Variants in FHAD1 observed in about 807,000 individuals in gnomAD.
The protein encoded by FHAD1 is forkhead-associated domain-containing protein 1.
Under a neutral mutation model 191.3 loss-of-function variants are expected in FHAD1, and 146 were observed. The observed-to-expected ratio is 0.76, with a 90% CI of 0.67 to 0.88. The LOEUF (loss-of-function observed/expected upper bound fraction) is 0.88. FHAD1 is among the 40% of genes least tolerant of loss of function. FHAD1 has a pLI of 0.00. For synonymous variants in FHAD1, 616 were observed against 672.3 expected, an observed-to-expected ratio of 0.92 and a Z score of 1.29; for missense variants, 1,635 against 1,785.8, an observed-to-expected ratio of 0.92 and a Z score of 1.52.
In FHAD1 at chr1:15,247,842, C is replaced by G. The variant is rs1646280338; in HGVS notation, c.-15+447C>G. 2.0e-5 allele frequency among the ~76,000 whole-genome samples: 3 copies of G among 152,218 alleles called. No individual in the cohort carries two copies. In the South Asian group the frequency reaches 6.2e-4, roughly 32 times the overall value. On this transcript the variant is annotated intron_variant, in intron 1 of 33. Transcript: ENST00000688493. ...ACCCCTCAACAGAAATTTTGCTTCT[C>G]TATCTCACTTGTGACCTATAAGCAG...
chr1:15,347,236 GC>G (rs1200047016), intron 18 of FHAD1, among the ~76,000 whole-genome samples: 1 of 152,330 alleles, frequency 6.6e-6, no homozygotes, highest in East Asian at 1.9e-4. Flanking sequence ...TGAGTCAAAT[GC>G]CCCAAGATGT....
At chr1:15,322,632 AG>A (rs1307444864) in intron 10 of FHAD1, among the ~76,000 whole-genome samples, 1 of 152,260 alleles carries the variant, frequency 6.6e-6, no homozygotes, top group Non-Finnish European at 1.5e-5. Context: ...AGTGCTCAAT[AG>A]CCAGATGTGG....
intron 3 of FHAD1, among the ~76,000 whole-genome samples, chr1:15,281,422 G>A (rs1660546104): frequency 6.6e-6 from 1 of 151,990 alleles, no homozygotes; most frequent in Non-Finnish European, 1.5e-5. Flanking sequence ...ATTTTTTTCT[G>A]GTAACTCAAA....
At position 15,341,879 on chromosome 1, in the gene FHAD1, A is replaced by C. The variant is rs1337643782; in HGVS notation, c.2121A>C (p.Glu707Asp). 16 of 1,551,440 alleles carry C rather than the reference A, an allele frequency of 1.0e-5. No homozygotes were observed. Among genetic ancestry groups the C allele is most frequent in the Non-Finnish European group, 1.1e-5 (13 of 1,146,908 alleles). The part of the protein sequence containing the change: ...KLKAKIRQLT[E>D]EKAALEEYIT... ...AAGCCAAAATCAGGCAACTGACGGA[A>C]GAGAAGGCGGTAAGGTGGTCCCTGC... Residue 707 changes from glutamate to aspartate, a missense_variant, in exon 16 of 34, where the codon GAA becomes GAC. Physicochemically the swap from Glu to Asp is conservative, Grantham distance 45. Transcript: ENST00000688493.
At chr1:15,294,524 G>A (rs1453881482) in intron 4 of FHAD1, among the ~76,000 whole-genome samples, 1 of 152,086 alleles carries the variant, frequency 6.6e-6, no homozygotes, top group Non-Finnish European at 1.5e-5. Context: ...CTCCCAAGTA[G>A]CTAGGATTCA....
At chr1:15,372,912 G>A (rs1296233935) in intron 26 of FHAD1, among the ~76,000 whole-genome samples, 1 of 152,036 alleles carries the variant, frequency 6.6e-6, no homozygotes, top group African/African-American at 2.4e-5. Flanking sequence ...TCACCTTGTT[G>A]TCTGTCTGCC....
rs1674502985 is a variant in FHAD1 at position 15,316,486 on chromosome 1, T to C, written c.1260+19T>C. The stretch of plus-strand genomic sequence containing the variant: ...CAAAACCGTGAGTTGAGCTTCCTCC[T>C]TTGTAGGTACCACCAGAAAAAACAG... On this transcript the variant is annotated intron_variant, in intron 9 of 33. Transcript: ENST00000688493. This position sits in a 1 kb window ranked among gnomAD's most constrained non-coding sequence, Gnocchi z 4.3. 2 of 1,548,630 alleles carry C rather than the reference T, an allele frequency of 1.3e-6. No homozygotes were observed. The highest frequency in any genetic ancestry group is 2.0e-5 in the Admixed American group (1 of 50,912).
chr1:15,269,508 G>A (rs997808845), intron 2 of FHAD1, among the ~76,000 whole-genome samples: 1 of 152,116 alleles, frequency 6.6e-6, no homozygotes, highest in East Asian at 1.9e-4. Flanking sequence ...TACTTCCATT[G>A]TGGTCTGAGA....
At chr1:15,237,079 C>A (rs1644867067) in intron 1 of FHAD1, among the ~76,000 whole-genome samples, 1 of 152,116 alleles carries the variant, frequency 6.6e-6, no homozygotes, top group South Asian at 2.1e-4. Flanking sequence ...TTTCCTGAGG[C>A]CTCCCTTGCC....
At chr1:15,386,766 G>A (rs530770331) in intron 31 of FHAD1, among the ~76,000 whole-genome samples, 17 of 152,198 alleles carry the variant, frequency 1.1e-4, no homozygotes, top group Admixed American at 2.6e-4. Context: ...AGTCAATCCC[G>A]TGAAGGCATG....
chr1:15,357,399 C>T (rs930509854), intron 20 of FHAD1, among the ~76,000 whole-genome samples: 4 of 151,956 alleles, frequency 2.6e-5, no homozygotes, highest in African/African-American at 4.8e-5. Context: ...CCGAGGCAGG[C>T]GGATCACGAG....
chr1:15,318,279 A>G lies in FHAD1; in HGVS notation c.1365+351A>G, dbSNP rs1437680371. The stretch of plus-strand genomic sequence containing the variant: ...TGTCCCTTCCCATCATGGGAAAAAA[A>G]ATTGTATTGCATACTCCAGACCTGC... On this transcript the variant is annotated intron_variant, in intron 10 of 33. Transcript: ENST00000688493. This position sits in a 1 kb window ranked among gnomAD's most constrained non-coding sequence, Gnocchi z 4.1. 6.6e-6 allele frequency among the ~76,000 whole-genome samples: 1 copy of G among 152,172 alleles called. No individual in the cohort carries two copies. The highest frequency in any genetic ancestry group is 1.5e-5 in the Non-Finnish European group (1 of 68,030).
At chr1:15,248,417 C>G (rs377488240) in intron 1 of FHAD1, among the ~76,000 whole-genome samples, 3 of 152,046 alleles carry the variant, frequency 2.0e-5, no homozygotes, top group Non-Finnish European at 4.4e-5. Context: ...CGTTGGTTCC[C>G]CTTGCCCTGC....
chr1:15,260,034 G>A (rs1049220138), intron 2 of FHAD1, among the ~76,000 whole-genome samples: 8 of 152,308 alleles, frequency 5.3e-5, no homozygotes, highest in African/African-American at 1.9e-4. Flanking sequence ...AACTTGCTGC[G>A]AAAATGGAAC....
chr1:15,376,419 T>G (rs1036316045), intron 28 of FHAD1, among the ~76,000 whole-genome samples: 8 of 152,210 alleles, frequency 5.3e-5, no homozygotes, highest in Middle Eastern at 3.2e-3. Context: ...CAGAACATGT[T>G]CAGCAGGCTA....
chr1:15,399,058 G>A (rs948591212), downstream of FHAD1, among the ~76,000 whole-genome samples: 3 of 152,124 alleles, frequency 2.0e-5, no homozygotes, highest in Non-Finnish European at 2.9e-5. Context: ...CTGACCTCAG[G>A]TGATCCACCC....
upstream of FHAD1, among the ~76,000 whole-genome samples, chr1:15,242,564 C>T (rs977351079): frequency 6.6e-6 from 1 of 152,166 alleles, no homozygotes; most frequent in African/African-American, 2.4e-5. Flanking sequence ...CAGCAGGTGC[C>T]ACCCCATAGA....
intron 2 of FHAD1, among the ~76,000 whole-genome samples, chr1:15,253,978 C>G (rs564613431): frequency 2.0e-5 from 3 of 152,064 alleles, no homozygotes; most frequent in Non-Finnish European, 4.4e-5. Context: ...GGAGAACATT[C>G]CCCCTGCATT....
At chr1:15,269,092 G>C (rs576788952) in intron 2 of FHAD1, among the ~76,000 whole-genome samples, 54 of 152,044 alleles carry the variant, frequency 3.6e-4, no homozygotes, top group Non-Finnish European at 6.5e-4. Context: ...CTAGAGGTTT[G>C]TCAGTTCTAT....
Sources: gnomAD v4.1 joint callset for allele counts (sites outside exome capture counted in the v4.1 genomes callset) on GRCh38, gnomAD v4.1.1 for gene constraint, Gnocchi (gnomAD v3.1) non-coding constraint, MANE v1.5 for transcripts, NCBI Gene and HGNC (gene_info 2026-07-23, HGNC 2026-07-21) for gene names.